Variants in ANXA10 observed in about 807,000 individuals in gnomAD.
ANXA10 encodes annexin 14.
ANXA10 carries 49 observed loss-of-function variants against 53.5 expected under a neutral mutation model. The ratio of observed to expected loss-of-function variants is 0.92; its 90% confidence interval spans 0.73 to 1.16. ANXA10 has a LOEUF of 1.16. ANXA10 is among the 50% of genes most tolerant of loss of function. The pLI is 0.00. For synonymous variants in ANXA10, 131 were observed against 128.9 expected, an observed-to-expected ratio of 1.02 and a Z score of -0.11; for missense variants, 393 against 394.4, an observed-to-expected ratio of 1.00 and a Z score of 0.03.
chr4:168,165,549 A>T (rs1268528882), intron 6 of ANXA10, among the ~76,000 whole-genome samples: 2 of 152,118 alleles, frequency 1.3e-5, no homozygotes, highest in Non-Finnish European at 2.9e-5. Flanking sequence ...ATTTTCAAAA[A>T]ATTAAAAATC....
In ANXA10 at chr4:168,139,580, G is replaced by C. The variant is rs1297795533; in HGVS notation, c.195G>C (p.Arg65=). The C allele has an allele frequency of 1.2e-6, 2 of 1,606,110 alleles. No homozygotes were observed. The highest frequency in any genetic ancestry group is 1.7e-6 in the Non-Finnish European group (2 of 1,173,684). Residue 65 remains arginine, a splice_region_variant and synonymous_variant, in exon 3 of 12, where the codon CGG becomes CGC. Coordinates refer to ENST00000359299, the MANE Select transcript of ANXA10 (RefSeq NM_007193.5). ...AGGCATACCAGAGCATGTATGGCCG[G>C]GTAAGGCCACTTTATCTTGACCTAT... ...IAEAYQSMYG[R]DLIGDMREQL...
intron 1 of ANXA10, among the ~76,000 whole-genome samples, chr4:168,119,197 A>G (rs2149467996): frequency 6.6e-6 from 1 of 152,270 alleles, no homozygotes; most frequent in Middle Eastern, 3.4e-3. Context: ...AAATGATATG[A>G]CACAGTGAAA....
Position 168,177,757 on chromosome 4 carries a change from A to C in ANXA10, c.498A>C (p.Gly166=), listed in dbSNP as rs1310586940. ...CTTTACAGGGGACCAGAGAGGAAGG[A>C]TATACAGACCCTGCGATGGCTGCTC... ...MNLVQGTREE[G]YTDPAMAAQD... is the part of the protein sequence containing the mutation. Residue 166 remains glycine (G), a synonymous_variant, in exon 7 of 12, where the codon GGA becomes GGC. Coordinates refer to ENST00000359299, the MANE Select transcript of ANXA10 (RefSeq NM_007193.5). 3 of 1,614,198 alleles carry C rather than the reference A, an allele frequency of 1.9e-6. No homozygotes were observed. The highest frequency in any genetic ancestry group is 1.7e-6 in the Non-Finnish European group (2 of 1,180,028).
At chr4:168,109,361 T>A (rs1419560796) in intron 1 of ANXA10, among the ~76,000 whole-genome samples, 1 of 152,214 alleles carries the variant, frequency 6.6e-6, no homozygotes, top group Non-Finnish European at 1.5e-5. Context: ...TGTGCTCAAG[T>A]TTTTTTAAAT....
chr4:168,146,708 C>T (rs1173000237), intron 3 of ANXA10, among the ~76,000 whole-genome samples: 1 of 152,124 alleles, frequency 6.6e-6, no homozygotes, highest in Non-Finnish European at 1.5e-5. Context: ...TGGACAGCTG[C>T]AAGAAGGACA....
intron 3 of ANXA10, among the ~76,000 whole-genome samples, chr4:168,155,137 C>T (rs1188477261): frequency 6.6e-6 from 1 of 151,268 alleles, no homozygotes; most frequent in East Asian, 1.9e-4. Flanking sequence ...TTGTTGGTAT[C>T]TCCTAAGCCT....
At chr4:168,130,361 T>A (rs1030458347) in intron 2 of ANXA10, among the ~76,000 whole-genome samples, 4 of 152,128 alleles carry the variant, frequency 2.6e-5, no homozygotes, top group African/African-American at 9.7e-5. Flanking sequence ...CATTATTATA[T>A]CTGACTTTCA....
chr4:168,147,814 C>G (rs948025025), intron 3 of ANXA10, among the ~76,000 whole-genome samples: 27 of 152,166 alleles, frequency 1.8e-4, no homozygotes, highest in African/African-American at 6.3e-4. Flanking sequence ...GGGCATGGCC[C>G]TAGTCCACAA....
chr4:168,183,752 C>G (rs1732306748), intron 10 of ANXA10, among the ~76,000 whole-genome samples: 1 of 152,254 alleles, frequency 6.6e-6, no homozygotes, highest in Middle Eastern at 3.4e-3. Flanking sequence ...GTGTTCTCCT[C>G]CAGTGAACTC....
chr4:168,098,075 C>A (rs1730580229), intron 1 of ANXA10, among the ~76,000 whole-genome samples: 1 of 151,018 alleles, frequency 6.6e-6, no homozygotes, highest in Non-Finnish European at 1.5e-5. Context: ...TACAGTGTGC[C>A]CATTTAAATA....
rs36051499 is a variant in ANXA10, at chr4:168,176,935, G to A, written c.481-805G>A. Among the ~76,000 whole-genome samples the A allele has an allele frequency of 1.9e-3, 285 of 152,266 alleles. 1 individual carries two copies. Among genetic ancestry groups the A allele is most frequent in the Middle Eastern group, 6.8e-3 (2 of 294 alleles). ...GGATTGCTTGAGTCCAGGAGGTCAA[G>A]GTTACAGTGAACTATGATCATGCCA... On this transcript the variant is annotated intron_variant, in intron 6 of 11. Transcript: ENST00000359299.
At chr4:168,154,663 G>C (rs945765357) in intron 3 of ANXA10, among the ~76,000 whole-genome samples, 10 of 152,056 alleles carry the variant, frequency 6.6e-5, no homozygotes, top group Non-Finnish European at 1.2e-4. Flanking sequence ...ATTGCCACAA[G>C]ATTTATTTTA....
intron 3 of ANXA10, among the ~76,000 whole-genome samples, chr4:168,157,623 T>G (rs1731711838): frequency 6.6e-6 from 1 of 152,198 alleles, no homozygotes; most frequent in African/African-American, 2.4e-5. Context: ...GCCCATCTCC[T>G]GACATCCTCC....
rs142976919 is a variant in ANXA10 at position 168,115,996 on chromosome 4, C to T, written c.19-12088C>T. Among the ~76,000 whole-genome samples, 452 of 152,170 alleles carry T rather than the reference C, an allele frequency of 3.0e-3. 2 individuals are homozygous for T. Among genetic ancestry groups the T allele is most frequent in the African/African-American group, 9.9e-3 (410 of 41,504 alleles). On this transcript the variant is annotated intron_variant, in intron 1 of 11. Transcript: ENST00000359299. ...ATAAACATTCTCTGAGCTCGCATTA[C>T]GTCTAAGGCACTGCCCTAGATGCTT...
chr4:168,110,199 C>T (rs894094440), intron 1 of ANXA10, among the ~76,000 whole-genome samples: 1 of 151,720 alleles, frequency 6.6e-6, no homozygotes, highest in Non-Finnish European at 1.5e-5. Context: ...GGCGACAGAG[C>T]GAGACTCCTT....
Position 168,145,281 on chromosome 4 carries a change from CCTGAGGAACAATTTAGGGAGGTT to C in ANXA10, c.195+5703_195+5725del, listed in dbSNP as rs1388480699. Reference sequence around the variant, plus strand: ...ATCAAGTGTATAACACTGATGTTTTCCTGAGGAACAATTTAGGGAGGTTCAGAATGTCACAGCCTCCAGCTGCA... The same window carrying C: ...ATCAAGTGTATAACACTGATGTTTTCCAGAATGTCACAGCCTCCAGCTGCA... On this transcript the variant is annotated intron_variant, in intron 3 of 11. Coordinates refer to ENST00000359299, the MANE Select transcript of ANXA10 (RefSeq NM_007193.5). 3.9e-5 allele frequency among the ~76,000 whole-genome samples: 6 copies of C among 152,150 alleles called. No individual in the cohort carries two copies. The East Asian group carries it at 1.2e-3, about 29-fold the overall frequency.
At chr4:168,168,711 G>A (rs529821386) in intron 6 of ANXA10, among the ~76,000 whole-genome samples, 17 of 152,212 alleles carry the variant, frequency 1.1e-4, no homozygotes, top group African/African-American at 3.1e-4. Context: ...GAGCCACCGC[G>A]CCTGGCCAAT....
chr4:168,141,220 A>G (rs1481601278), intron 3 of ANXA10, among the ~76,000 whole-genome samples: 1 of 152,158 alleles, frequency 6.6e-6, no homozygotes, highest in Non-Finnish European at 1.5e-5. Context: ...CTGATACACT[A>G]AATTGCACTG....
intron 3 of ANXA10, among the ~76,000 whole-genome samples, chr4:168,142,609 A>G (rs1731344773): frequency 6.6e-6 from 1 of 151,958 alleles, no homozygotes; most frequent in Non-Finnish European, 1.5e-5. Context: ...TATCTGTTTC[A>G]CTCTACCACA....
Sources: gnomAD v4.1 joint callset for allele counts (sites outside exome capture counted in the v4.1 genomes callset) on GRCh38, gnomAD v4.1.1 for gene constraint, MANE v1.5 for transcripts, NCBI Gene and HGNC (gene_info 2026-07-23, HGNC 2026-07-21) for gene names.